PPP6R2: variants seen among roughly 807,000 people sequenced by gnomAD.
The protein encoded by PPP6R2 is serine/threonine-protein phosphatase 6 regulatory subunit 2.
Under a neutral mutation model 100.2 loss-of-function variants are expected in PPP6R2, and 62 were observed. The observed-to-expected ratio is 0.62, with a 90% CI of 0.50 to 0.76. The LOEUF (loss-of-function observed/expected upper bound fraction) is 0.76. PPP6R2 is among the 30% of genes least tolerant of loss of function. The pLI is 0.00. For synonymous variants in PPP6R2, 525 were observed against 514.7 expected, an observed-to-expected ratio of 1.02 and a Z score of -0.27; for missense variants, 1,142 against 1,276.3, an observed-to-expected ratio of 0.89 and a Z score of 1.60.
chr22:50,408,636 T>TA (rs1217467650), intron 4 of PPP6R2, among the ~76,000 whole-genome samples: 2 of 152,260 alleles, frequency 1.3e-5, no homozygotes, highest in East Asian at 3.9e-4. Context: ...TAAAAACCTT[T>TA]ACTACCTGGC....
chr22:50,338,480 T>TG (rs1405354526), upstream of PPP6R2, among the ~76,000 whole-genome samples: 4 of 107,274 alleles, frequency 3.7e-5, no homozygotes, highest in Non-Finnish European at 7.4e-5. Context: ...TATGTGTGTG[T>TG]TATGTAGTGT....
chr22:50,363,277 CT>C (rs2048139224), intron 1 of PPP6R2, among the ~76,000 whole-genome samples: 1 of 152,158 alleles, frequency 6.6e-6, no homozygotes, highest in Non-Finnish European at 1.5e-5. Context: ...CACTTAGCAT[CT>C]TGCCTTGTTC....
chr22:50,436,930 G>C, intron 14 of PPP6R2, 58 bp from the exon 15 acceptor site: 1 of 1,421,100 alleles, frequency 7.0e-7, no homozygotes, highest in South Asian at 1.2e-5. Context: ...GCTGGGCTGG[G>C]TGGGGTCTGG....
In PPP6R2 at chr22:50,394,079, G is replaced by A; in HGVS notation, c.171G>A (p.Leu57=). ...GCAGGCAGCAGTGCATGGAGGAGCT[G>A]GTGAGCCTCATCACACAGGATCCGC... is the stretch of plus-strand genomic sequence containing the variant. ...FLCRQQCMEE[L]VSLITQDPPL... The change falls in exon 3 of 24, where the codon CTG becomes CTA. Residue 57 remains leucine (L), a synonymous_variant. Transcript: ENST00000612753. 2 of 1,614,160 alleles carry A rather than the reference G, an allele frequency of 1.2e-6. No homozygotes were observed. The highest frequency in any genetic ancestry group is 1.7e-6 in the Non-Finnish European group (2 of 1,180,030).
the PPP6R2 span, among the ~76,000 whole-genome samples, chr22:50,337,247 G>T: frequency 6.8e-6 from 1 of 146,834 alleles, no homozygotes; most frequent in Non-Finnish European, 1.5e-5. Context: ...TGGTGTGTGT[G>T]TGTGGTGTGT....
At chr22:50,420,683 G>A (rs1195110644) in intron 8 of PPP6R2, among the ~76,000 whole-genome samples, 1 of 152,214 alleles carries the variant, frequency 6.6e-6, no homozygotes, top group Admixed American at 6.5e-5. Flanking sequence ...GCCGAGTGGA[G>A]TCTGTGAGGG....
intron 1 of PPP6R2, among the ~76,000 whole-genome samples, chr22:50,371,095 C>T (rs2050106854): frequency 6.6e-6 from 1 of 152,176 alleles, no homozygotes; most frequent in Admixed American, 6.6e-5. Flanking sequence ...TGAAGGACTT[C>T]ATACCTGACA....
intron 3 of PPP6R2, among the ~76,000 whole-genome samples, chr22:50,397,575 T>TCC (rs570686452): frequency 0.09 from 9,240 of 102,552 alleles, 364 homozygotes; most frequent in East Asian, 0.17. Context: ...AGCCCTGTCA[T>TCC]CTCTGAGTTT....
chr22:50,352,397 T>A (rs1168432672), intron 1 of PPP6R2, among the ~76,000 whole-genome samples: 5 of 152,300 alleles, frequency 3.3e-5, no homozygotes, highest in African/African-American at 1.2e-4. Flanking sequence ...TACTGTAGAC[T>A]ATTTAAGTCT....
chr22:50,412,152 T>A (rs1441777965), intron 4 of PPP6R2, among the ~76,000 whole-genome samples: 1 of 152,194 alleles, frequency 6.6e-6, no homozygotes, highest in Non-Finnish European at 1.5e-5. Context: ...AATGTGTGAA[T>A]ATGATCCATC....
chr22:50,334,398 T>C, the PPP6R2 span, among the ~76,000 whole-genome samples: 25 of 152,360 alleles, frequency 1.6e-4, no homozygotes, highest in African/African-American at 5.8e-4. Flanking sequence ...TGGCCTGGTT[T>C]TTCCTAGGTT....
At chr22:50,440,169 T>G (rs1311783978) in intron 21 of PPP6R2, 120 bp downstream of exon 21, 1 of 889,514 alleles carries the variant, frequency 1.1e-6, no homozygotes, top group East Asian at 2.6e-5. Context: ...CTGCTACGTC[T>G]CTGGTGACAT....
rs568143561 is a variant in PPP6R2, at chr22:50,432,143, A to AG, written c.1336-119dup. 1,080 of 858,974 alleles carry AG rather than the reference A, an allele frequency of 1.3e-3. 13 individuals carry two copies. The African/African-American group carries it at 0.015, about 12-fold the overall frequency. 53.2% of individuals were successfully genotyped at this position (858,974 alleles called of 1,614,324 possible). On this transcript the variant is annotated intron_variant, in intron 11 of 23. Transcript: ENST00000612753. ...CTGGGGCTGTGCGTGCGCAGCAGTC[A>AG]GGGCCTGCAAAGTCCACACAGACGT...
In PPP6R2 at chr22:50,387,901, G is replaced by A. The variant is rs76136674; in HGVS notation, c.-16-5992G>A. On this transcript the variant is annotated intron_variant, in intron 2 of 23. Transcript: ENST00000612753. ...ATAACTTAGTAATCCTCCCCACAGGGGATGTCGATGCTGCATTTTACGGGT... is the reference window on the plus strand; with the variant it reads ...ATAACTTAGTAATCCTCCCCACAGGAGATGTCGATGCTGCATTTTACGGGT... Among the ~76,000 whole-genome samples, 22 of 152,300 alleles carry A rather than the reference G, an allele frequency of 1.4e-4. No individual in the cohort carries two copies. The East Asian group carries it at 3.9e-3, about 27-fold the overall frequency.
chr22:50,399,852 G>A (rs1371674806), intron 3 of PPP6R2, among the ~76,000 whole-genome samples: 1 of 152,232 alleles, frequency 6.6e-6, no homozygotes, highest in Non-Finnish European at 1.5e-5. Context: ...AGCAGAGGGC[G>A]CCACCCCAGG....
Position 50,423,318 on chromosome 22 carries a change from C to T in PPP6R2, c.973-144C>T, listed in dbSNP as rs569548039. The T allele has an allele frequency of 2.0e-5, 18 of 891,922 alleles. No individual in the cohort carries two copies. Among genetic ancestry groups the T allele is most frequent in the East Asian group, 1.1e-4 (4 of 37,808 alleles). The allele number at this position is 891,922 out of a possible 1,614,324, so 55.3% of individuals were successfully genotyped here. A position where few individuals can be genotyped will look rare whatever the true frequency, so the allele number is the denominator to read the frequency against. ...TGATGCCTTCATTTCTTCTGGCAGA[C>T]GGCCCTCCCTGAGGAACCCCCACCA... On this transcript the variant is annotated intron_variant, in intron 9 of 23. Coordinates refer to ENST00000612753, the MANE Select transcript of PPP6R2 (RefSeq NM_001242898.2). The surrounding 1 kb of genome is among the most constrained non-coding windows in gnomAD (Gnocchi z 4.8).
chr22:50,423,546 CTGCTG>C lies in PPP6R2; in HGVS notation c.1058_1062del (p.Leu353ProfsTer26). Reference sequence around the variant, plus strand: ...GCATGGCGCCCGCCTCATGGCAGCACTGCTGCACACAAACACACCCAGCATCAACC... The same window carrying C: ...GCATGGCGCCCGCCTCATGGCAGCACCACACAAACACACCCAGCATCAACC... On this transcript the variant is annotated frameshift_variant, in exon 10 of 24. Coordinates refer to ENST00000612753, the MANE Select transcript of PPP6R2 (RefSeq NM_001242898.2). LOFTEE classifies it high-confidence loss of function. The surrounding 1 kb of genome is among the most constrained non-coding windows in gnomAD (Gnocchi z 4.8). 6.2e-7 allele frequency: 1 copy of C among 1,614,240 alleles called. No individual in the cohort carries two copies. Among genetic ancestry groups the C allele is most frequent in the Non-Finnish European group, 8.5e-7 (1 of 1,180,048 alleles).
intron 2 of PPP6R2, among the ~76,000 whole-genome samples, chr22:50,376,919 C>G (rs186314149): frequency 3.3e-5 from 5 of 151,562 alleles, no homozygotes; most frequent in African/African-American, 1.2e-4. Flanking sequence ...CCCAGCTACT[C>G]GGGAGGCTGA....
At chr22:50,436,515 C>T in intron 14 of PPP6R2, 63 bp downstream of exon 14, 1 of 1,503,440 alleles carries the variant, frequency 6.7e-7, no homozygotes, top group Middle Eastern at 2.1e-4. Flanking sequence ...TCAGACGCTC[C>T]TGCCTTTGCC....
Sources: allele counts gnomAD v4.1 joint callset (sites outside exome capture counted in the v4.1 genomes callset), GRCh38; gene constraint gnomAD v4.1.1; non-coding constraint Gnocchi (gnomAD v3.1); transcripts MANE v1.5; gene names NCBI Gene and HGNC (gene_info 2026-07-23, HGNC 2026-07-21).